RASAL2: variants seen among roughly 807,000 people sequenced by gnomAD.
The protein encoded by RASAL2 is RAS protein activator like 2.
Under a neutral mutation model 128.9 loss-of-function variants are expected in RASAL2, and 58 were observed. The ratio of observed to expected loss-of-function variants is 0.45; its 90% CI spans 0.36 to 0.56. The LOEUF is 0.56. RASAL2 is among the 20% of genes least tolerant of loss of function. The pLI is 0.00. For synonymous variants in RASAL2, 561 were observed against 580.8 expected (o/e 0.97, Z 0.49); for missense variants, 1,360 against 1,601.6 (o/e 0.85, Z 2.57).
chr1:178,211,396 C>T (rs1023750613), intron 1 of RASAL2, among the ~76,000 whole-genome samples: 1 of 152,096 alleles, frequency 6.6e-6, no homozygotes, highest in Admixed American at 6.6e-5. Context: ...CTTAAAAAAG[C>T]ACAAACATGA....
intron 1 of RASAL2, among the ~76,000 whole-genome samples, chr1:178,232,392 C>G (rs1341709303): frequency 6.6e-6 from 1 of 152,100 alleles, no homozygotes; most frequent in African/African-American, 2.4e-5. Flanking sequence ...ATTTTTCCAG[C>G]CAACTTATCC....
chr1:178,468,102 A>G (rs1396819013), intron 17 of RASAL2, among the ~76,000 whole-genome samples: 2 of 152,230 alleles, frequency 1.3e-5, no homozygotes, highest in African/African-American at 4.8e-5. Context: ...TCATAGGGAC[A>G]TGTCAATGAT....
chr1:178,449,070 C>G (rs1342428801), intron 9 of RASAL2, among the ~76,000 whole-genome samples: 1 of 152,094 alleles, frequency 6.6e-6, no homozygotes, highest in African/African-American at 2.4e-5. Flanking sequence ...TGCTATATTT[C>G]ATATACTTTG....
chr1:178,168,903 T>C (rs1316561810), intron 1 of RASAL2, among the ~76,000 whole-genome samples: 1 of 152,116 alleles, frequency 6.6e-6, no homozygotes, highest in Non-Finnish European at 1.5e-5. Context: ...TTGATAATGT[T>C]CCAGTTCATT....
At chr1:178,235,390 G>T (rs902857630) in intron 1 of RASAL2, among the ~76,000 whole-genome samples, 2 of 152,080 alleles carry the variant, frequency 1.3e-5, no homozygotes, top group Non-Finnish European at 2.9e-5. Context: ...CTGTGAGAAG[G>T]TGTCCCTGCA....
intron 1 of RASAL2, among the ~76,000 whole-genome samples, chr1:178,126,477 A>G (rs1659904598): frequency 6.6e-6 from 1 of 152,220 alleles, no homozygotes; most frequent in African/African-American, 2.4e-5. Context: ...TGGGCTGTGC[A>G]CTGTGCATTT....
At chr1:178,145,318 T>A (rs1362809097) in intron 1 of RASAL2, among the ~76,000 whole-genome samples, 1 of 152,144 alleles carries the variant, frequency 6.6e-6, no homozygotes, top group Non-Finnish European at 1.5e-5. Flanking sequence ...GTTTTGTTTT[T>A]AGCCCCCAGA....
intron 1 of RASAL2, among the ~76,000 whole-genome samples, chr1:178,198,474 G>C (rs1348070790): frequency 6.6e-6 from 1 of 152,154 alleles, no homozygotes; most frequent in East Asian, 1.9e-4. Flanking sequence ...TACAGATGGG[G>C]TTTTGGTGTG....
chr1:178,397,124 G>C (rs1198319552), intron 4 of RASAL2, among the ~76,000 whole-genome samples: 1 of 152,056 alleles, frequency 6.6e-6, no homozygotes, highest in Non-Finnish European at 1.5e-5. Context: ...TCTACTTTTA[G>C]GAATATACAC....
In RASAL2 at chr1:178,477,545, AT is replaced by A. The variant is rs1429411464; in HGVS notation, c.*4307del. 1 of 152,220 alleles carries A rather than the reference AT, an allele frequency of 6.6e-6. No individual in the cohort carries two copies. Among genetic ancestry groups the A allele is most frequent in the Non-Finnish European group, 1.5e-5 (1 of 68,038 alleles). The allele number at this position is 152,220 out of a possible 1,614,324, so 9.4% of individuals were successfully genotyped here. On this transcript the variant is annotated 3_prime_UTR_variant, in exon 18 of 18. Coordinates refer to ENST00000367649, the MANE Select transcript of RASAL2 (RefSeq NM_170692.4). Reference sequence around the variant, plus strand: ...GACACGACCCTAAGGGAATGAATGCATAAGCAGTCTTCTCAGTAGCCCAGAG... The same window carrying A: ...GACACGACCCTAAGGGAATGAATGCAAAGCAGTCTTCTCAGTAGCCCAGAG...
At chr1:178,301,074 A>C (rs750406728) in intron 3 of RASAL2, among the ~76,000 whole-genome samples, 8 of 152,220 alleles carry the variant, frequency 5.3e-5, no homozygotes, top group Admixed American at 1.3e-4. Flanking sequence ...AGTGGAACCC[A>C]GAGCTTTTGG....
intron 1 of RASAL2, among the ~76,000 whole-genome samples, chr1:178,095,243 A>G (rs918536008): frequency 2.0e-5 from 3 of 152,290 alleles, no homozygotes; most frequent in East Asian, 3.9e-4. Context: ...AGATTACACT[A>G]TTGTTTCTGA....
chr1:178,435,468 T>G (rs1185846261), intron 5 of RASAL2, among the ~76,000 whole-genome samples: 1 of 152,098 alleles, frequency 6.6e-6, no homozygotes, highest in Non-Finnish European at 1.5e-5. Flanking sequence ...AAGACTGATT[T>G]CATATAGGGA....
At chr1:178,281,571 A>G (rs534571413) in intron 1 of RASAL2, among the ~76,000 whole-genome samples, 17 of 152,294 alleles carry the variant, frequency 1.1e-4, no homozygotes, top group Admixed American at 1.0e-3. Context: ...GACAGGGTTT[A>G]TCAGTGTTTT....
At chr1:178,403,617 G>A (rs577693206) in intron 4 of RASAL2, among the ~76,000 whole-genome samples, 7 of 152,230 alleles carry the variant, frequency 4.6e-5, no homozygotes, top group African/African-American at 1.7e-4. Flanking sequence ...GGACAACTGA[G>A]TAACCATGTG....
chr1:178,303,650 G>C (rs556041392), intron 3 of RASAL2, among the ~76,000 whole-genome samples: 1 of 151,872 alleles, frequency 6.6e-6, no homozygotes, highest in African/African-American at 2.4e-5. Flanking sequence ...ACTATATTAA[G>C]ATTAAGAATT....
chr1:178,290,421 G>A (rs1282874183), intron 2 of RASAL2, among the ~76,000 whole-genome samples: 1 of 152,048 alleles, frequency 6.6e-6, no homozygotes, highest in Non-Finnish European at 1.5e-5. Flanking sequence ...AATAATTGAT[G>A]CGGTGCTTTT....
At chr1:178,209,471 T>C (rs1462304292) in intron 1 of RASAL2, among the ~76,000 whole-genome samples, 1 of 152,198 alleles carries the variant, frequency 6.6e-6, no homozygotes, top group Non-Finnish European at 1.5e-5. Context: ...AACTCCCAAG[T>C]AGTCAGCGTT....
At chr1:178,248,865 C>T (rs1035327328) in intron 1 of RASAL2, among the ~76,000 whole-genome samples, 1 of 152,140 alleles carries the variant, frequency 6.6e-6, no homozygotes, top group Non-Finnish European at 1.5e-5. Flanking sequence ...TGACTATTGG[C>T]CCCCACTCTC....
Sources: allele counts gnomAD v4.1 joint callset (sites outside exome capture counted in the v4.1 genomes callset), GRCh38; gene constraint gnomAD v4.1.1; transcripts MANE v1.5; gene names NCBI Gene and HGNC (gene_info 2026-07-23, HGNC 2026-07-21).